The following RSF1 variants were observed in gnomAD, a reference collection of about 807,000 sequenced individuals.
The protein encoded by RSF1 is HBV pX-associated protein 8.
A neutral mutation model predicts 145.2 loss-of-function variants in RSF1; 13 were observed. The observed-to-expected ratio is 0.09, with a 90% CI of 0.06 to 0.14. RSF1 has a LOEUF of 0.14. Ranked by LOEUF, RSF1 falls within the 10% of genes least tolerant of loss-of-function variation. RSF1 has a pLI of 1.00. For synonymous variants in RSF1, 577 were observed against 592.6 expected (o/e 0.97, Z 0.38); for missense variants, 1,517 against 1,718.2 (o/e 0.88, Z 2.07).
chr11:77,740,975 A>G (rs1379928844), intron 3 of RSF1, 39 bp from the exon 4 acceptor site: 1 of 1,425,152 alleles, frequency 7.0e-7, no homozygotes, highest in South Asian at 1.2e-5. Context: ...ATACCTCACA[A>G]ATATTTCTCC....
At chr11:77,756,358 CA>C (rs936128985) in intron 2 of RSF1, among the ~76,000 whole-genome samples, 365 of 54,336 alleles carry the variant, frequency 6.7e-3, no homozygotes, top group African/African-American at 0.014. Flanking sequence ...AACTCTGTCT[CA>C]AAAAAAAAAA....
At chr11:77,751,239 T>C (rs1261372575) in intron 2 of RSF1, among the ~76,000 whole-genome samples, 1 of 152,170 alleles carries the variant, frequency 6.6e-6, no homozygotes, top group Non-Finnish European at 1.5e-5. Flanking sequence ...TGGATTTACA[T>C]AAACAATCAA....
At chr11:77,673,778 C>T (rs193077367) in intron 14 of RSF1, among the ~76,000 whole-genome samples, 4 of 152,314 alleles carry the variant, frequency 2.6e-5, no homozygotes, top group Non-Finnish European at 4.4e-5. Context: ...GCAACATTCT[C>T]TGTGCTATTC....
chr11:77,719,520 T>C (rs767310943), intron 5 of RSF1, among the ~76,000 whole-genome samples: 1 of 152,186 alleles, frequency 6.6e-6, no homozygotes, highest in African/African-American at 2.4e-5. Flanking sequence ...CTACAGAGTA[T>C]TTTTGACATA....
chr11:77,678,271 C>T, intron 11 of RSF1, 118 bp from the exon 12 acceptor site: 1 of 500,014 alleles, frequency 2.0e-6, no homozygotes, highest in Non-Finnish European at 3.2e-6. Flanking sequence ...GGCTGGAGTG[C>T]AGTGGCGCCA....
chr11:77,761,733 G>C (rs1948173971), intron 2 of RSF1, among the ~76,000 whole-genome samples: 1 of 151,790 alleles, frequency 6.6e-6, no homozygotes, highest in South Asian at 2.1e-4. Context: ...GACTTGCCAA[G>C]TAAAAGGAAT....
the RSF1 span, among the ~76,000 whole-genome samples, chr11:77,865,643 G>A: frequency 6.6e-6 from 1 of 152,178 alleles, no homozygotes; most frequent in African/African-American, 2.4e-5. Flanking sequence ...AATGGATTTT[G>A]AAAGAACAAC....
At chr11:77,738,093 C>A (rs1347004113) in intron 4 of RSF1, among the ~76,000 whole-genome samples, 2 of 152,210 alleles carry the variant, frequency 1.3e-5, no homozygotes, top group Non-Finnish European at 2.9e-5. Context: ...CGCGCCACTG[C>A]ACTCCCGCCT....
At chr11:77,689,082 T>C (rs186313791) in intron 9 of RSF1, among the ~76,000 whole-genome samples, 1 of 152,312 alleles carries the variant, frequency 6.6e-6, no homozygotes, top group East Asian at 1.9e-4. Context: ...CAGGAGATAA[T>C]GCTTAGATTT....
At chr11:77,869,590 G>T in the RSF1 span, 1 of 836,294 alleles carries the variant, frequency 1.2e-6, no homozygotes, top group Non-Finnish European at 1.9e-6. Context: ...GTGCCTTAAA[G>T]AGCCTATGAG....
At chr11:77,737,170 G>A (rs1961374337) in intron 4 of RSF1, among the ~76,000 whole-genome samples, 1 of 152,172 alleles carries the variant, frequency 6.6e-6, no homozygotes, top group African/African-American at 2.4e-5. Flanking sequence ...ACTATGCGAT[G>A]GGTATGGTGG....
intron 5 of RSF1, among the ~76,000 whole-genome samples, chr11:77,714,157 T>G (rs1428469652): frequency 6.6e-6 from 1 of 152,232 alleles, no homozygotes; most frequent in Non-Finnish European, 1.5e-5. Context: ...GTCCCTGTCC[T>G]ACTTAATTTG....
chr11:77,754,094 T>C (rs1282212786), intron 2 of RSF1, among the ~76,000 whole-genome samples: 2 of 152,208 alleles, frequency 1.3e-5, no homozygotes, highest in South Asian at 2.1e-4. Flanking sequence ...TCTTCCACTA[T>C]TGCAATTCAG....
chr11:77,667,743 G>C (rs1306849241), intron 15 of RSF1, among the ~76,000 whole-genome samples: 2 of 151,904 alleles, frequency 1.3e-5, no homozygotes, highest in Non-Finnish European at 2.9e-5. Flanking sequence ...TCGCACTGTT[G>C]CCCTGGCTAG....
At position 77,701,777 on chromosome 11, in the gene RSF1, T is replaced by C. The variant is rs760914506; in HGVS notation, c.1452A>G (p.Gly484=). The change falls in exon 6 of 16, where the codon GGA becomes GGG. Residue 484 remains glycine (G), a synonymous_variant. Transcript: ENST00000308488. ...CAGAATTTAAGGACTCTGTTCCATTTCCCTCCGTGATGATATTTCTGTCCT... is the reference window on the plus strand; with the variant it reads ...CAGAATTTAAGGACTCTGTTCCATTCCCCTCCGTGATGATATTTCTGTCCT... The part of the protein sequence containing the change: ...PSKDRNIITE[G]NGTESLNSVI... 6.2e-7 allele frequency: 1 copy of C among 1,613,976 alleles called. No individual in the cohort carries two copies. The highest frequency in any genetic ancestry group is 2.2e-5 in the East Asian group (1 of 44,872).
chr11:77,829,915 T>A, the RSF1 span: 1 of 152,194 alleles, frequency 6.6e-6, no homozygotes, highest in East Asian at 1.9e-4. Context: ...GAGGATCACT[T>A]GAGGCCAGGA....
the RSF1 span, among the ~76,000 whole-genome samples, chr11:77,870,397 C>T: frequency 6.7e-5 from 9 of 134,770 alleles, no homozygotes; most frequent in Middle Eastern, 5.2e-3. Flanking sequence ...AGTGCAGTGG[C>T]GCCATCTTGG....
At position 77,751,242 on chromosome 11, in the gene RSF1, ACAAT is replaced by A. The variant is rs975868737; in HGVS notation, c.280-4118_280-4115del. Among the ~76,000 whole-genome samples, 50 of 152,342 alleles carry A rather than the reference ACAAT, an allele frequency of 3.3e-4. 1 individual carries two copies. Among genetic ancestry groups the A allele is most frequent in the African/African-American group, 1.2e-3 (48 of 41,572 alleles). ...ACTTATTTATCTTGGATTTACATAA[ACAAT>A]CAAAGTAACAATAATTCTTTTGGAT... On this transcript the variant is annotated intron_variant, in intron 2 of 15. Transcript: ENST00000308488.
chr11:77,787,113 A>G (rs1343590739), intron 1 of RSF1, among the ~76,000 whole-genome samples: 2 of 152,182 alleles, frequency 1.3e-5, no homozygotes, highest in Non-Finnish European at 2.9e-5. Context: ...CAAAGGACTG[A>G]GCAGGGCATG....
Sources: gnomAD v4.1 joint callset for allele counts (sites outside exome capture counted in the v4.1 genomes callset) on GRCh38, gnomAD v4.1.1 for gene constraint, MANE v1.5 for transcripts, NCBI Gene and HGNC (gene_info 2026-07-23, HGNC 2026-07-21) for gene names.